The following PEX3 variants were observed in gnomAD, a reference collection of about 807,000 sequenced individuals.
PEX3 encodes peroxin-3.
In PEX3, 30 loss-of-function variants were observed where a neutral mutation model predicts 55.8. The ratio of observed to expected loss-of-function variants is 0.54; its 90% CI spans 0.40 to 0.73. The LOEUF (loss-of-function observed/expected upper bound fraction) is 0.73. Ranked by LOEUF, PEX3 falls within the 30% of genes least tolerant of loss-of-function variation. The probability of loss-of-function intolerance (pLI) is 0.00; values close to 1 mark genes in which losing one functional copy is unlikely to be tolerated. For synonymous variants in PEX3, 135 were observed against 148.4 expected (o/e 0.91, Z 0.66); for missense variants, 351 against 432.8 (o/e 0.81, Z 1.68).
In PEX3 at chr6:143,489,431, C is replaced by A. The variant is rs78091135; in HGVS notation, c.*205C>A. 4.1e-3 allele frequency: 1,903 copies of A among 463,526 alleles called. 27 individuals are homozygous for A. The highest frequency in any genetic ancestry group is 0.034 in the African/African-American group (1,700 of 50,400). 28.7% of individuals were successfully genotyped at this position (463,526 alleles called of 1,614,324 possible). ...TCATCAACAGACCAGTTTTTGTGGG[C>A]ATATATATATACACGTGCAAATATC... On this transcript the variant is annotated 3_prime_UTR_variant, in exon 12 of 12. Coordinates refer to ENST00000367591, the MANE Select transcript of PEX3 (RefSeq NM_003630.3). The surrounding 1 kb of genome is among the most constrained non-coding windows in gnomAD (Gnocchi z 5.5).
rs1222371604 is a variant in PEX3 at position 143,463,058 on chromosome 6, T to G, written c.287+61T>G. 1 of 1,199,218 alleles carries G rather than the reference T, an allele frequency of 8.3e-7. No individual in the cohort carries two copies. The highest frequency in any genetic ancestry group is 1.5e-5 in the African/African-American group (1 of 66,292). The allele number at this position is 1,199,218 out of a possible 1,614,324, so 74.3% of individuals were successfully genotyped here. A position where few individuals can be genotyped will look rare whatever the true frequency, so the allele number is the denominator to read the frequency against. On this transcript the variant is annotated intron_variant, in intron 3 of 11. Coordinates refer to ENST00000367591, the MANE Select transcript of PEX3 (RefSeq NM_003630.3). The surrounding 1 kb of genome is among the most constrained non-coding windows in gnomAD (Gnocchi z 5.7). ...TACACTTAAAGTTTATAGAATGAAC[T>G]GATAGACTTTTCAAAAATCTTTGTT... is the stretch of plus-strand genomic sequence containing the variant.
Position 143,465,436 on chromosome 6 carries a change from G to T in PEX3, c.287+2439G>T, listed in dbSNP as rs1350906597. Among the ~76,000 whole-genome samples, 14 of 150,838 alleles carry T rather than the reference G, an allele frequency of 9.3e-5. No homozygotes were observed. The highest frequency in any genetic ancestry group is 1.9e-4 in the East Asian group (1 of 5,162). On this transcript the variant is annotated intron_variant, in intron 3 of 11. Transcript: ENST00000367591. This position sits in a 1 kb window ranked among gnomAD's most constrained non-coding sequence, Gnocchi z 4.7. The stretch of plus-strand genomic sequence containing the variant: ...ACAGTTTTTTGTTCGTTTGGTTTTG[G>T]TTTTTTTTTAGATAGAGTCTTACTC...
rs548266553 is a variant in PEX3 at position 143,466,252 on chromosome 6, G to A, written c.288-1870G>A. 6.6e-6 allele frequency among the ~76,000 whole-genome samples: 1 copy of A among 152,156 alleles called. No homozygotes were observed. The highest frequency in any genetic ancestry group is 1.5e-5 in the Non-Finnish European group (1 of 67,890). Reference sequence around the variant, plus strand: ...TAAAAATATTAAATGGAAAATTCCAGAAATAAACAATTCCTAAGCTTTCAG... The same window carrying A: ...TAAAAATATTAAATGGAAAATTCCAAAAATAAACAATTCCTAAGCTTTCAG... On this transcript the variant is annotated intron_variant, in intron 3 of 11. Coordinates refer to ENST00000367591, the MANE Select transcript of PEX3 (RefSeq NM_003630.3). The surrounding 1 kb of genome is among the most constrained non-coding windows in gnomAD (Gnocchi z 5.4).
rs1584020106 is a variant in PEX3, at chr6:143,488,246, A to G, written c.1039-897A>G. ...CAGGTTTACTTCCCATTTCTTTGAC[A>G]CTCTCAGAGGCTGTCAACCTTTTCT... On this transcript the variant is annotated intron_variant, in intron 11 of 11. Coordinates refer to ENST00000367591, the MANE Select transcript of PEX3 (RefSeq NM_003630.3). The surrounding 1 kb of genome is among the most constrained non-coding windows in gnomAD (Gnocchi z 4.9). Among the ~76,000 whole-genome samples, 3 of 151,918 alleles carry G rather than the reference A, an allele frequency of 2.0e-5. No individual in the cohort carries two copies. Among genetic ancestry groups the G allele is most frequent in the Admixed American group, 1.3e-4 (2 of 15,234 alleles).
rs1026841911 is a variant in PEX3, at chr6:143,489,481, A to G, written c.*255A>G. The G allele has an allele frequency of 1.5e-5, 4 of 274,216 alleles. No homozygotes were observed. Among genetic ancestry groups the G allele is most frequent in the Non-Finnish European group, 2.8e-5 (4 of 143,240 alleles). The allele number at this position is 274,216 out of a possible 1,614,324, so 17.0% of individuals were successfully genotyped here. On this transcript the variant is annotated 3_prime_UTR_variant, in exon 12 of 12. Coordinates refer to ENST00000367591, the MANE Select transcript of PEX3 (RefSeq NM_003630.3). The surrounding 1 kb of genome is among the most constrained non-coding windows in gnomAD (Gnocchi z 5.5). ...CAGAATTGTTAATAATTTGTTACAC[A>G]TGGACATTTGTTCCAAACTGACTAA...
chr6:143,485,078 T>G lies in PEX3; in HGVS notation c.942-74T>G. ...AAAATATTCTACAATGGCTATGTAT[T>G]ACTTTTATAATTAAGATGTTAAAGT... On this transcript the variant is annotated intron_variant, in intron 10 of 11. Coordinates refer to ENST00000367591, the MANE Select transcript of PEX3 (RefSeq NM_003630.3). This position sits in a 1 kb window ranked among gnomAD's most constrained non-coding sequence, Gnocchi z 5.6. 1 of 837,942 alleles carries G rather than the reference T, an allele frequency of 1.2e-6. No homozygotes were observed. Among genetic ancestry groups the G allele is most frequent in the Non-Finnish European group, 2.1e-6 (1 of 474,556 alleles). The allele number at this position is 837,942 out of a possible 1,614,324, so 51.9% of individuals were successfully genotyped here. A position where few individuals can be genotyped will look rare whatever the true frequency, so the allele number is the denominator to read the frequency against.
In PEX3 at chr6:143,490,204, C is replaced by T. The variant is rs777447974; in HGVS notation, c.*978C>T. On this transcript the variant is annotated 3_prime_UTR_variant, in exon 12 of 12. Coordinates refer to ENST00000367591, the MANE Select transcript of PEX3 (RefSeq NM_003630.3). This position sits in a 1 kb window ranked among gnomAD's most constrained non-coding sequence, Gnocchi z 6.0. ...TTTACTTTCTGAAAAAGAAATAATT[C>T]ATTATCTCTAGTAATACATCTGTAA... Among the ~76,000 whole-genome samples, 1 of 152,052 alleles carries T rather than the reference C, an allele frequency of 6.6e-6. No homozygotes were observed. Among genetic ancestry groups the T allele is most frequent in the Non-Finnish European group, 1.5e-5 (1 of 67,984 alleles).
chr6:143,451,422 G>A lies in PEX3; in HGVS notation c.73+307G>A, dbSNP rs1041899897. Among the ~76,000 whole-genome samples the A allele has an allele frequency of 6.6e-6, 1 of 151,976 alleles. No homozygotes were observed. Among genetic ancestry groups the A allele is most frequent in the Non-Finnish European group, 1.5e-5 (1 of 68,016 alleles). On this transcript the variant is annotated intron_variant, in intron 1 of 11. Transcript: ENST00000367591. This position sits in a 1 kb window ranked among gnomAD's most constrained non-coding sequence, Gnocchi z 4.1. ...TGTTTCAAGGCACCATTCTCTTACA[G>A]GAACTTTTTAAAAAAAATTCTGCTT... is the stretch of plus-strand genomic sequence containing the variant.
rs528806987 is a variant in PEX3 at position 143,475,078 on chromosome 6, G to A, written c.818+222G>A. On this transcript the variant is annotated intron_variant, in intron 9 of 11. Coordinates refer to ENST00000367591, the MANE Select transcript of PEX3 (RefSeq NM_003630.3). The surrounding 1 kb of genome is among the most constrained non-coding windows in gnomAD (Gnocchi z 4.4). ...ACTAACTCTACTATCTGAATTCATCGAGTTCCAGTCTTTTGTTTTTCCTCA... is the reference window on the plus strand; with the variant it reads ...ACTAACTCTACTATCTGAATTCATCAAGTTCCAGTCTTTTGTTTTTCCTCA... Among the ~76,000 whole-genome samples the A allele has an allele frequency of 9.9e-5, 15 of 152,162 alleles. No individual in the cohort carries two copies. In the South Asian group the frequency reaches 1.5e-3, roughly 15 times the overall value.
In PEX3 at chr6:143,482,974, A is replaced by G. The variant is rs2128747813; in HGVS notation, c.942-2178A>G. Reference sequence around the variant, plus strand: ...CTTCAAGATCAAACAAGCTTTTTATAAGCTTTTCATCAATATTAAATGCAA... The same window carrying G: ...CTTCAAGATCAAACAAGCTTTTTATGAGCTTTTCATCAATATTAAATGCAA... On this transcript the variant is annotated intron_variant, in intron 10 of 11. Coordinates refer to ENST00000367591, the MANE Select transcript of PEX3 (RefSeq NM_003630.3). This position sits in a 1 kb window ranked among gnomAD's most constrained non-coding sequence, Gnocchi z 5.5. 6.6e-6 allele frequency among the ~76,000 whole-genome samples: 1 copy of G among 152,254 alleles called. No individual in the cohort carries two copies. Among genetic ancestry groups the G allele is most frequent in the Middle Eastern group, 3.4e-3 (1 of 294 alleles).
chr6:143,455,171 A>ATTTTCTTTTCTTTTCTTTTCTTTTC (rs58331398), intron 1 of PEX3, among the ~76,000 whole-genome samples: 2,218 of 143,960 alleles, frequency 0.015, 115 homozygotes, highest in African/African-American at 0.057. Context: ...ATTTGGGGGT[A>ATTTTCTTTTCTTTTCTTTTCTTTTC]TTTTCTTTTC....
rs1780366285 is a variant in PEX3, at chr6:143,490,030, T to C, written c.*804T>C. 1 of 152,218 alleles carries C rather than the reference T, an allele frequency of 6.6e-6. No individual in the cohort carries two copies. Among genetic ancestry groups the C allele is most frequent in the South Asian group, 2.1e-4 (1 of 4,830 alleles). The allele number at this position is 152,218 out of a possible 1,614,324, so 9.4% of individuals were successfully genotyped here. A position where few individuals can be genotyped will look rare whatever the true frequency, so the allele number is the denominator to read the frequency against. On this transcript the variant is annotated 3_prime_UTR_variant, in exon 12 of 12. Coordinates refer to ENST00000367591, the MANE Select transcript of PEX3 (RefSeq NM_003630.3). The surrounding 1 kb of genome is among the most constrained non-coding windows in gnomAD (Gnocchi z 6.0). ...AAAATATTATTTTGTTGAGTTAATA[T>C]TTTTCAGCTATTAATTTACTTATCC...
chr6:143,458,407 A>G lies in PEX3; in HGVS notation c.74-678A>G, dbSNP rs1483181423. On this transcript the variant is annotated intron_variant, in intron 1 of 11. Coordinates refer to ENST00000367591, the MANE Select transcript of PEX3 (RefSeq NM_003630.3). This position sits in a 1 kb window ranked among gnomAD's most constrained non-coding sequence, Gnocchi z 6.1. The stretch of plus-strand genomic sequence containing the variant: ...AGTTGTATTTTCTCTCCTTATCTCA[A>G]AGAGATTTTTCTAACACATGGATGG... Among the ~76,000 whole-genome samples the G allele has an allele frequency of 6.6e-6, 1 of 152,124 alleles. No individual in the cohort carries two copies. Among genetic ancestry groups the G allele is most frequent in the Non-Finnish European group, 1.5e-5 (1 of 68,008 alleles).
chr6:143,484,384 G>A (rs1780285641), intron 10 of PEX3, among the ~76,000 whole-genome samples: 1 of 152,024 alleles, frequency 6.6e-6, no homozygotes. Flanking sequence ...GAAGTGCCAA[G>A]GATTTTCAAA....
chr6:143,471,633 T>G lies in PEX3; in HGVS notation c.578+22T>G, dbSNP rs781628193. On this transcript the variant is annotated intron_variant, in intron 7 of 11. Transcript: ENST00000367591. This position sits in a 1 kb window ranked among gnomAD's most constrained non-coding sequence, Gnocchi z 5.4. ...GAAGGTAAGGCATTTTTCTTTGACT[T>G]TTCTGACTTCTTGATTCTAATGAGT... 8.9e-6 allele frequency: 14 copies of G among 1,570,882 alleles called. No homozygotes were observed. In the Admixed American group the frequency reaches 1.2e-4, roughly 13 times the overall value.
chr6:143,450,915 G>C lies in PEX3; in HGVS notation c.-128G>C, dbSNP rs1779749578. ...AGTCTCTGCGGAAAGTCACGTTTGT[G>C]ATTTCGGGAGAGCACAGAACGGGAC... is the stretch of plus-strand genomic sequence containing the variant. On this transcript the variant is annotated 5_prime_UTR_variant, in exon 1 of 12. Transcript: ENST00000367591. 4.7e-6 allele frequency: 4 copies of C among 843,784 alleles called. No homozygotes were observed. In the South Asian group the frequency reaches 5.3e-5, roughly 11 times the overall value. 52.3% of individuals were successfully genotyped at this position (843,784 alleles called of 1,614,324 possible).
At chr6:143,474,219 G>A (rs1196146715) in intron 8 of PEX3, among the ~76,000 whole-genome samples, 2 of 152,112 alleles carry the variant, frequency 1.3e-5, no homozygotes, top group Non-Finnish European at 2.9e-5. Context: ...GGAGGCCGAG[G>A]CAGGCGGATC....
At position 143,462,141 on chromosome 6, in the gene PEX3, A is replaced by T. The variant is rs1047070383; in HGVS notation, c.206-775A>T. On this transcript the variant is annotated intron_variant, in intron 2 of 11. Coordinates refer to ENST00000367591, the MANE Select transcript of PEX3 (RefSeq NM_003630.3). The surrounding 1 kb of genome is among the most constrained non-coding windows in gnomAD (Gnocchi z 4.1). ...AGCCATAAATAAACTCCTAAAAATCACATGAAGTTTTTTTCCCATAGATTG... is the reference window on the plus strand; with the variant it reads ...AGCCATAAATAAACTCCTAAAAATCTCATGAAGTTTTTTTCCCATAGATTG... 2.0e-5 allele frequency among the ~76,000 whole-genome samples: 3 copies of T among 152,166 alleles called. No individual in the cohort carries two copies. The highest frequency in any genetic ancestry group is 4.8e-5 in the African/African-American group (2 of 41,446).
chr6:143,470,926 T>G, intron 4 of PEX3, 35 bp from the exon 5 acceptor site: 1 of 1,593,308 alleles, frequency 6.3e-7, no homozygotes, highest in Non-Finnish European at 8.6e-7. Flanking sequence ...TTTGTATTAA[T>G]CACAGTACCA....
Sources: gnomAD v4.1 joint callset for allele counts (sites outside exome capture counted in the v4.1 genomes callset) on GRCh38, gnomAD v4.1.1 for gene constraint, Gnocchi (gnomAD v3.1) non-coding constraint, MANE v1.5 for transcripts, NCBI Gene and HGNC (gene_info 2026-07-23, HGNC 2026-07-21) for gene names.